ZNF726: variants seen among roughly 807,000 people sequenced by gnomAD.
The protein encoded by ZNF726 is zinc finger protein 726.
ZNF726 carries 15 observed loss-of-function variants against 11.6 expected under a neutral mutation model. The ratio of observed to expected loss-of-function variants is 1.29; its 90% CI spans 0.86 to 1.99. The LOEUF is 1.99. Among genes scored for constraint, ZNF726 ranks in the 30% most tolerant of loss-of-function variants. The pLI, the probability that ZNF726 is intolerant of heterozygous loss-of-function variation, is 0.00. For synonymous variants in ZNF726, 295 were observed against 243.6 expected (o/e 1.21, Z -1.96); for missense variants, 890 against 725.6 (o/e 1.23, Z -2.60).
chr19:23,933,037 CATT>C lies in ZNF726; in HGVS notation c.922_924del (p.Ile308del). 1 of 1,612,612 alleles carries C rather than the reference CATT, an allele frequency of 6.2e-7. No individual in the cohort carries two copies. The highest frequency in any genetic ancestry group is 8.5e-7 in the Non-Finnish European group (1 of 1,179,762). On this transcript the variant is annotated inframe_deletion, in exon 4 of 4. Coordinates refer to ENST00000594466, the MANE Select transcript of ZNF726 (RefSeq NM_001244038.2). ...CACTAACCATACATAAGAGGATGCA[CATT>C]GGAGAGAAACCCTACAAATGTGAAG... is the stretch of plus-strand genomic sequence containing the variant.
chr19:23,919,140 C>T (rs1967777477), intron 1 of ZNF726: 1 of 453,630 alleles, frequency 2.2e-6, no homozygotes. Context: ...CTTTATCATT[C>T]AGAAAAGTAT....
At chr19:23,943,788 T>C in intron 4 of ZNF726, 1 of 392,546 alleles carries the variant, frequency 2.5e-6, no homozygotes, top group Non-Finnish European at 4.6e-6. Flanking sequence ...CTACTTCCTA[T>C]TTAGTGATTT....
At chr19:23,938,703 G>T (rs140664254), downstream of ZNF726, among the ~76,000 whole-genome samples, 1 of 149,984 alleles carries the variant, frequency 6.7e-6, no homozygotes, top group Admixed American at 6.7e-5. Context: ...TGCCTTTCAG[G>T]TTCAAGCAGT....
At chr19:23,944,665 C>T (rs1212722058) in intron 4 of ZNF726, 1 of 198,272 alleles carries the variant, frequency 5.0e-6, no homozygotes, top group Non-Finnish European at 9.8e-6. Flanking sequence ...GCTTTTTAGT[C>T]CCGTTTGTCT....
At chr19:23,915,845 G>A (rs1322978817) in intron 1 of ZNF726, among the ~76,000 whole-genome samples, 1 of 152,098 alleles carries the variant, frequency 6.6e-6, no homozygotes, top group African/African-American at 2.4e-5. Context: ...GCCTTCCAAA[G>A]TTCTGGGATT....
At chr19:23,920,954 C>T (rs978785736) in intron 3 of ZNF726, 4 of 152,248 alleles carry the variant, frequency 2.6e-5, no homozygotes, top group Non-Finnish European at 5.9e-5. Flanking sequence ...CTGCTGTGTC[C>T]AGTTTCCACT....
chr19:23,919,964 GTTAA>G lies in ZNF726; in HGVS notation c.131-19_131-16del. On this transcript the variant is annotated intron_variant, in intron 2 of 3. Transcript: ENST00000594466. ...ATTGGAGAATATGAGCAAGATTCAT[GTTAA>G]TTATTTTTAATAAAACAGGTATTGC... 1 of 1,508,728 alleles carries G rather than the reference GTTAA, an allele frequency of 6.6e-7. No individual in the cohort carries two copies. The highest frequency in any genetic ancestry group is 1.1e-5 in the South Asian group (1 of 88,160). 93.5% of individuals were successfully genotyped at this position (1,508,728 alleles called of 1,614,324 possible). A position where few individuals can be genotyped will look rare whatever the true frequency, so the allele number is the denominator to read the frequency against.
At chr19:23,929,638 T>G (rs1369441350) in intron 3 of ZNF726, among the ~76,000 whole-genome samples, 5 of 152,214 alleles carry the variant, frequency 3.3e-5, no homozygotes. Flanking sequence ...CCATATCATC[T>G]TAAAAAATGG....
At chr19:23,926,672 TCA>T (rs1967996904) in intron 3 of ZNF726, among the ~76,000 whole-genome samples, 1 of 152,152 alleles carries the variant, frequency 6.6e-6, no homozygotes, top group Non-Finnish European at 1.5e-5. Flanking sequence ...TTATGGATGT[TCA>T]GCTTTCAACA....
rs780386525 is a variant in ZNF726, at chr19:23,932,579, T to C, written c.463T>C (p.Tyr155His). ...ATGTGGTAAATATTTGAAAGTCTTT[T>C]ATAAATTTATAAATTTAAACAGATA... ...SQCGKYLKVF[Y>H]KFINLNRYKI... Residue 155 changes from tyrosine to histidine, a missense_variant, in exon 4 of 4, where the codon TAT (tyrosine) becomes CAT (histidine). Transcript: ENST00000594466. The C allele has an allele frequency of 8.4e-6, 13 of 1,545,970 alleles. No homozygotes were observed. The highest frequency in any genetic ancestry group is 1.1e-5 in the Non-Finnish European group (13 of 1,147,290).
At chr19:23,923,739 T>A (rs567650120) in intron 3 of ZNF726, 2 of 156,372 alleles carry the variant, frequency 1.3e-5, no homozygotes, top group South Asian at 3.7e-4. Flanking sequence ...ATTGCAGTTA[T>A]CTAGACAAAT....
chr19:23,916,622 T>C (rs1281672353), intron 1 of ZNF726, among the ~76,000 whole-genome samples: 1 of 152,186 alleles, frequency 6.6e-6, no homozygotes, highest in East Asian at 1.9e-4. Context: ...TGAGCTACCG[T>C]GCCTGGTGAA....
downstream of ZNF726, among the ~76,000 whole-genome samples, chr19:23,938,422 C>G (rs1180982571): frequency 6.6e-6 from 1 of 151,896 alleles, no homozygotes; most frequent in Admixed American, 6.6e-5. Flanking sequence ...TAGAAAAAAA[C>G]CAAAATTCTC....
chr19:23,920,390 T>C (rs766198766), intron 3 of ZNF726: 13 of 184,570 alleles, frequency 7.0e-5, no homozygotes, highest in Non-Finnish European at 1.1e-4. Context: ...CAGATAGATA[T>C]CTGCATAGTT....
chr19:23,938,592 T>C (rs1180499678), downstream of ZNF726, among the ~76,000 whole-genome samples: 1 of 150,300 alleles, frequency 6.7e-6, no homozygotes, highest in East Asian at 2.0e-4. Context: ...TTTAATAGTT[T>C]TTTTTTCTTT....
Position 23,933,313 on chromosome 19 carries a change from T to C in ZNF726, c.1197T>C (p.Cys399=). 3.1e-6 allele frequency: 5 copies of C among 1,613,504 alleles called. No individual in the cohort carries two copies. Among genetic ancestry groups the C allele is most frequent in the Non-Finnish European group, 4.2e-6 (5 of 1,179,984 alleles). ...RIHTGEKPYK[C]EECGKAFHRS... ...ACACTGGAGAGAAACCCTACAAATGTGAAGAATGTGGCAAAGCTTTTCATC... is the reference window on the plus strand; with the variant it reads ...ACACTGGAGAGAAACCCTACAAATGCGAAGAATGTGGCAAAGCTTTTCATC... The change falls in exon 4 of 4, where the codon TGT becomes TGC. Residue 399 remains cysteine (C), a synonymous_variant. Coordinates refer to ENST00000594466, the MANE Select transcript of ZNF726 (RefSeq NM_001244038.2).
intron 3 of ZNF726, 35 bp downstream of exon 3, chr19:23,920,117 G>A: frequency 7.0e-7 from 1 of 1,434,914 alleles, no homozygotes; most frequent in South Asian, 1.1e-5. Context: ...TGACCTGGAT[G>A]AGAGGTCCAA....
intron 1 of ZNF726, among the ~76,000 whole-genome samples, chr19:23,916,457 A>G (rs772660559): frequency 1.1e-4 from 16 of 151,998 alleles, no homozygotes; most frequent in Non-Finnish European, 1.9e-4. Context: ...CTGTCTCCCA[A>G]GTAGCTGGAA....
rs1380221437 is a variant in ZNF726 at position 23,932,473 on chromosome 19, T to C, written c.357T>C (p.Ser119=). 6.3e-7 allele frequency: 1 copy of C among 1,585,488 alleles called. No homozygotes were observed. The highest frequency in any genetic ancestry group is 1.4e-5 in the African/African-American group (1 of 73,740). Residue 119 remains serine, a synonymous_variant, in exon 4 of 4, where the codon AGT becomes AGC. Transcript: ENST00000594466. ...TACAGTTAAGAAAAGGTTGTAAAAG[T>C]GTGGATGAGTGTAAGGTACACAAAG... The part of the protein sequence containing the change: ...ENLQLRKGCK[S]VDECKVHKEG...
Sources: allele counts gnomAD v4.1 joint callset (sites outside exome capture counted in the v4.1 genomes callset), GRCh38; gene constraint gnomAD v4.1.1; transcripts MANE v1.5; gene names NCBI Gene and HGNC (gene_info 2026-07-23, HGNC 2026-07-21).